Variants in TMEM191C observed in about 807,000 individuals in gnomAD.
The protein encoded by TMEM191C is transmembrane protein 191C.
Under a neutral mutation model 37.1 loss-of-function variants are expected in TMEM191C, and 26 were observed. The observed-to-expected ratio is 0.70, with a 90% CI of 0.51 to 0.97. The LOEUF is 0.97. Ranked by LOEUF, TMEM191C falls within the 50% of genes least tolerant of loss-of-function variation. The pLI, the probability that TMEM191C is intolerant of heterozygous loss-of-function variation, is 0.00. For missense variants in TMEM191C, 240 were observed against 294.7 expected (o/e 0.81, Z 1.36); for synonymous variants, 115 against 143.7 (o/e 0.80, Z 1.43).
intron 3 of TMEM191C, 61 bp from the exon 4 acceptor site, chr22:21,468,293 C>T (rs1408616621): frequency 2.6e-6 from 4 of 1,535,030 alleles, no homozygotes; most frequent in Non-Finnish European, 2.6e-6. Flanking sequence ...GTCCCTGTCT[C>T]CCCTGACACC....
chr22:21,468,575 G>A, intron 4 of TMEM191C, 144 bp downstream of exon 4: 2 of 898,382 alleles, frequency 2.2e-6, no homozygotes, highest in Non-Finnish European at 3.3e-6. Context: ...TCGCATGGGG[G>A]CGGGGCTCTG....
In TMEM191C at chr22:21,467,950, C is replaced by T. The variant is rs1268816366; in HGVS notation, c.212C>T (p.Ala71Val). 2 of 578,068 alleles carry T rather than the reference C, an allele frequency of 3.5e-6. No individual in the cohort carries two copies. Among genetic ancestry groups the T allele is most frequent in the African/African-American group, 3.0e-5 (1 of 33,636 alleles). The allele number at this position is 578,068 out of a possible 1,614,324, so 35.8% of individuals were successfully genotyped here. The change falls in exon 2 of 10, where the codon GCG becomes GTG. Residue 71 changes from alanine to valine, a missense_variant. Physicochemically the swap from Ala to Val is moderately conservative, Grantham distance 64. Coordinates refer to ENST00000536718, the MANE Select transcript of TMEM191C (RefSeq NM_001388354.1). Reference sequence around the variant, plus strand: ...CCTCTGCAAGGGGAGGCGCGCGAGGCGGCGCGGGAGCGCGCGGAGCGGGTG... The same window carrying T: ...CCTCTGCAAGGGGAGGCGCGCGAGGTGGCGCGGGAGCGCGCGGAGCGGGTG... ...AQPLQGEAREAARERAERVRR... is the reference protein window; with the variant it reads ...AQPLQGEAREVARERAERVRR...
At position 21,469,704 on chromosome 22, in the gene TMEM191C, C is replaced by G; in HGVS notation, c.792C>G (p.Asp264Glu). Reference sequence around the variant, plus strand: ...CGCTGCTCTGGACGGTGCTGTTGGACCCCGGCGCCGTCTCCGCGTGGCTCT... The same window carrying G: ...CGCTGCTCTGGACGGTGCTGTTGGAGCCCGGCGCCGTCTCCGCGTGGCTCT... ...GLSLLWTVLL[D>E]PGAVSAWLWS... Residue 264 changes from aspartate (D) to glutamate (E), a missense_variant, in exon 10 of 10, where the codon GAC (aspartate) becomes GAG (glutamate). Around this residue, in one of 3 missense-constraint regions of TMEM191C, gnomAD observed 76 missense variants for 100.0 expected, o/e 0.76. Coordinates refer to ENST00000536718, the MANE Select transcript of TMEM191C (RefSeq NM_001388354.1). The G allele has an allele frequency of 2.0e-6, 3 of 1,526,840 alleles. No homozygotes were observed. The highest frequency in any genetic ancestry group is 2.6e-6 in the Non-Finnish European group (3 of 1,143,376). The allele number at this position is 1,526,840 out of a possible 1,614,324, so 94.6% of individuals were successfully genotyped here.
rs1041026261 is a variant in TMEM191C at position 21,469,692 on chromosome 22, G to C, written c.780G>C (p.Thr260=). Residue 260 remains threonine (T), a synonymous_variant, in exon 10 of 10, where the codon ACG becomes ACC. Coordinates refer to ENST00000536718, the MANE Select transcript of TMEM191C (RefSeq NM_001388354.1). ...LLFLGLSLLW[T]VLLDPGAVSA... is the part of the protein sequence containing the mutation. ...TCCTGGGGCTGTCGCTGCTCTGGAC[G>C]GTGCTGTTGGACCCCGGCGCCGTCT... 8.5e-6 allele frequency: 13 copies of C among 1,526,028 alleles called. No homozygotes were observed. In the East Asian group the frequency reaches 2.2e-4, roughly 26 times the overall value. 94.5% of individuals were successfully genotyped at this position (1,526,028 alleles called of 1,614,324 possible). A position where few individuals can be genotyped will look rare whatever the true frequency, so the allele number is the denominator to read the frequency against.
chr22:21,468,246 G>C, intron 3 of TMEM191C, 44 bp downstream of exon 3: 2 of 1,533,192 alleles, frequency 1.3e-6, no homozygotes, highest in South Asian at 2.4e-5. Context: ...GTTCCTCTCG[G>C]AAGTCCTGCC....
Position 21,467,572 on chromosome 22 carries a change from G to T in TMEM191C, c.113G>T (p.Ser38Ile). The change falls in exon 1 of 10, where the codon AGC (serine) becomes ATC (isoleucine). Residue 38 changes from serine to isoleucine, a missense_variant. Transcript: ENST00000536718. ...CGCGGGCTCGAGGCCGAGAGCGAGA[G>T]CCTCAACCAGCGCCTGCAGGACCTG... Reference protein sequence around the residue: ...LMRGLEAESESLNQRLQDLSE... With the variant: ...LMRGLEAESEILNQRLQDLSE... 2 of 1,529,728 alleles carry T rather than the reference G, an allele frequency of 1.3e-6. No homozygotes were observed. Among genetic ancestry groups the T allele is most frequent in the Non-Finnish European group, 1.7e-6 (2 of 1,145,078 alleles). The allele number at this position is 1,529,728 out of a possible 1,614,324, so 94.8% of individuals were successfully genotyped here.
rs926785607 is a variant in TMEM191C at position 21,469,408 on chromosome 22, C to G, written c.663+62C>G. The G allele has an allele frequency of 1.7e-4, 218 of 1,304,418 alleles. No homozygotes were observed. The African/African-American group carries it at 2.5e-3, about 15-fold the overall frequency. The allele number at this position is 1,304,418 out of a possible 1,614,324, so 80.8% of individuals were successfully genotyped here. On this transcript the variant is annotated intron_variant, in intron 8 of 9. Transcript: ENST00000536718. ...AGCGGGACAACCCTCCCCGTCCCCCCCGCGGTACCGCCTCCCCCTCCTCCT... is the reference window on the plus strand; with the variant it reads ...AGCGGGACAACCCTCCCCGTCCCCCGCGCGGTACCGCCTCCCCCTCCTCCT...
chr22:21,467,680 G>A, intron 1 of TMEM191C, 66 bp downstream of exon 1: 1 of 991,596 alleles, frequency 1.0e-6, no homozygotes, highest in Non-Finnish European at 1.5e-6. Context: ...AGCGCCGCGA[G>A]GTGCTTCGCA....
intron 7 of TMEM191C, 27 bp from the exon 8 acceptor site, chr22:21,469,247 C>T (rs1256138414): frequency 3.3e-6 from 5 of 1,497,978 alleles, no homozygotes; most frequent in Non-Finnish European, 4.4e-6. Context: ...CCGGGATGGG[C>T]TCCCACCTGC....
chr22:21,469,558 C>T, intron 9 of TMEM191C, 24 bp downstream of exon 9: 1 of 1,403,188 alleles, frequency 7.1e-7, no homozygotes. Flanking sequence ...TGGGCGCGGC[C>T]GCGGTCCCCC....
Position 21,468,423 on chromosome 22 carries a change from A to G in TMEM191C, c.400A>G (p.Thr134Ala). Residue 134 changes from threonine (T) to alanine (A), a missense_variant, in exon 4 of 10, where the codon ACG becomes GCG. Transcript: ENST00000536718. ...GCAGCAACTCGCAGCCCAATTGGTG[A>G]CGCTGCAGGTGCTTGAGCGGGACCC... ...TEQQLAAQLV[T>A]LQNELELAET... 6.5e-7 allele frequency: 1 copy of G among 1,529,790 alleles called. No individual in the cohort carries two copies. Among genetic ancestry groups the G allele is most frequent in the African/African-American group, 1.4e-5 (1 of 71,984 alleles). 94.8% of individuals were successfully genotyped at this position (1,529,790 alleles called of 1,614,324 possible). A position where few individuals can be genotyped will look rare whatever the true frequency, so the allele number is the denominator to read the frequency against.
rs1484103786 is a variant in TMEM191C, at chr22:21,469,821, A to G, written c.909A>G (p.Ter303=). Residue 303 remains the stop codon, a stop_retained_variant, in exon 10 of 10, where the codon TAA becomes TAG. Coordinates refer to ENST00000536718, the MANE Select transcript of TMEM191C (RefSeq NM_001388354.1). The part of the protein sequence containing the change: ...ELRANGLLPT[*] ...GCGCTAACGGGCTTCTGCCAACCTA[A>G]GTGCAGCGCCCCGCGCCTGGCTCCA... 2.0e-6 allele frequency: 3 copies of G among 1,531,748 alleles called. No homozygotes were observed. The highest frequency in any genetic ancestry group is 4.9e-5 in the East Asian group (2 of 40,772). 94.9% of individuals were successfully genotyped at this position (1,531,748 alleles called of 1,614,324 possible). A position where few individuals can be genotyped will look rare whatever the true frequency, so the allele number is the denominator to read the frequency against.
chr22:21,469,559 G>A (rs1346266976), intron 9 of TMEM191C, 25 bp downstream of exon 9: 1 of 1,404,946 alleles, frequency 7.1e-7, no homozygotes, highest in Non-Finnish European at 9.2e-7. Flanking sequence ...GGGCGCGGCC[G>A]CGGTCCCCCA....
Position 21,468,348 on chromosome 22 carries a change from C to T in TMEM191C, c.331-6C>T. The T allele has an allele frequency of 6.5e-7, 1 of 1,535,496 alleles. No homozygotes were observed. The highest frequency in any genetic ancestry group is 8.7e-7 in the Non-Finnish European group (1 of 1,146,738). ...TAAACCCCGCCCTTACAAGCCCCGC[C>T]CCTAGCTCTTCTACTACGGAGGGGA... On this transcript the variant is annotated splice_polypyrimidine_tract_variant and splice_region_variant and intron_variant, in intron 3 of 9. Transcript: ENST00000536718.
At position 21,469,828 on chromosome 22, in the gene TMEM191C, C is replaced by G; in HGVS notation, c.*7C>G. 6.5e-6 allele frequency: 10 copies of G among 1,531,464 alleles called. No homozygotes were observed. The highest frequency in any genetic ancestry group is 8.7e-6 in the Non-Finnish European group (10 of 1,145,928). 94.9% of individuals were successfully genotyped at this position (1,531,464 alleles called of 1,614,324 possible). A position where few individuals can be genotyped will look rare whatever the true frequency, so the allele number is the denominator to read the frequency against. On this transcript the variant is annotated 3_prime_UTR_variant, in exon 10 of 10. Transcript: ENST00000536718. ...CGGGCTTCTGCCAACCTAAGTGCAG[C>G]GCCCCGCGCCTGGCTCCAGGTGGAC... is the stretch of plus-strand genomic sequence containing the variant.
At chr22:21,469,433 T>A in intron 8 of TMEM191C, 61 bp from the exon 9 acceptor site, 1 of 1,326,682 alleles carries the variant, frequency 7.5e-7, no homozygotes. Flanking sequence ...CCCCTCCTCC[T>A]GGAAACCGGG....
intron 3 of TMEM191C, 63 bp downstream of exon 3, chr22:21,468,265 C>T: frequency 1.3e-6 from 2 of 1,533,996 alleles, no homozygotes; most frequent in Non-Finnish European, 1.7e-6. Flanking sequence ...CCCTTGTCCT[C>T]GCCCTTGTTG....
rs935147570 is a variant in TMEM191C, at chr22:21,467,921, G to A, written c.183G>A (p.Ala61=). The change falls in exon 2 of 10, where the codon GCG becomes GCA. Residue 61 remains alanine, a synonymous_variant. Coordinates refer to ENST00000536718, the MANE Select transcript of TMEM191C (RefSeq NM_001388354.1). ...RSLLRRRSQA[A]QPLQGEAREA... The stretch of plus-strand genomic sequence containing the variant: ...TGCTGCGGAGGCGAAGCCAGGCAGC[G>A]CAGCCTCTGCAAGGGGAGGCGCGCG... The A allele has an allele frequency of 2.9e-5, 18 of 620,154 alleles. No homozygotes were observed. The highest frequency in any genetic ancestry group is 1.1e-4 in the African/African-American group (4 of 36,608). The allele number at this position is 620,154 out of a possible 1,614,324, so 38.4% of individuals were successfully genotyped here.
chr22:21,467,521 G>A lies in TMEM191C; in HGVS notation c.62G>A (p.Arg21Gln), dbSNP rs753603447. 1.7e-4 allele frequency: 163 copies of A among 972,190 alleles called. No homozygotes were observed. Among genetic ancestry groups the A allele is most frequent in the Middle Eastern group, 9.6e-4 (3 of 3,132 alleles). 60.2% of individuals were successfully genotyped at this position (972,190 alleles called of 1,614,324 possible). The change falls in exon 1 of 10, where the codon CGG (arginine) becomes CAG (glutamine). Residue 21 changes from arginine (R) to glutamine (Q), a missense_variant. Transcript: ENST00000536718. ...LQKDNRDGRQ[R>Q]KQELEKLMRG... ...AAGGATAACCGAGATGGTCGCCAGCGGAAGCAGGAGCTAGAGAAGCTGATG... is the reference window on the plus strand; with the variant it reads ...AAGGATAACCGAGATGGTCGCCAGCAGAAGCAGGAGCTAGAGAAGCTGATG...
Sources: gnomAD v4.1 joint callset for allele counts on GRCh38, gnomAD v4.1.1 for gene constraint, gnomAD v4.1.1 regional missense constraint, MANE v1.5 for transcripts, NCBI Gene and HGNC (gene_info 2026-07-23, HGNC 2026-07-21) for gene names.